Variants in EEA1 observed in about 807,000 individuals in gnomAD.
EEA1 encodes early endosome antigen 1, 162kD.
A neutral mutation model predicts 209.2 loss-of-function variants in EEA1; 111 were observed. That is an observed-to-expected ratio of 0.53 (90% confidence interval 0.45 to 0.62). EEA1 has a LOEUF of 0.62. EEA1 is among the 20% of genes least tolerant of loss of function. The pLI is 0.00. For missense variants in EEA1, 1,343 were observed against 1,530.8 expected (o/e 0.88, Z 2.05); for synonymous variants, 536 against 540.6 (o/e 0.99, Z 0.12).
chr12:92,874,430 A>G (rs914527670), intron 2 of EEA1, among the ~76,000 whole-genome samples: 8 of 152,228 alleles, frequency 5.3e-5, no homozygotes, highest in African/African-American at 1.9e-4. Context: ...CAGTGGCACA[A>G]TCTCGGCTCA....
intron 1 of EEA1, among the ~76,000 whole-genome samples, chr12:92,927,311 C>G (rs1881250654): frequency 6.6e-6 from 1 of 152,116 alleles, no homozygotes; most frequent in Admixed American, 6.6e-5. Flanking sequence ...TCACAAATGC[C>G]AATAGCGCCG....
At chr12:92,882,545 C>T (rs971433401) in intron 2 of EEA1, among the ~76,000 whole-genome samples, 10 of 150,356 alleles carry the variant, frequency 6.7e-5, no homozygotes, top group Admixed American at 2.0e-4. Context: ...ACCCAACAGT[C>T]GGATTTTCAA....
At chr12:92,881,406 G>A in intron 2 of EEA1, among the ~76,000 whole-genome samples, 1 of 152,010 alleles carries the variant, frequency 6.6e-6, no homozygotes, top group Non-Finnish European at 1.5e-5. Context: ...AGATGGAGAG[G>A]AGGAGGGGAG....
At chr12:92,829,608 A>G (rs181998701) in intron 11 of EEA1, among the ~76,000 whole-genome samples, 78 of 151,890 alleles carry the variant, frequency 5.1e-4, no homozygotes, top group African/African-American at 1.6e-3. Flanking sequence ...GTGAAACCCC[A>G]TATCTACTGA....
chr12:92,901,941 A>G (rs371952851), intron 1 of EEA1, among the ~76,000 whole-genome samples: 3 of 152,128 alleles, frequency 2.0e-5, no homozygotes, highest in African/African-American at 7.2e-5. Context: ...AATAACACTA[A>G]CCCTAAATAA....
rs959816567 is a variant in EEA1, at chr12:92,771,702, C to T, written c.*4309G>A. The T allele has an allele frequency of 3.9e-5, 6 of 151,914 alleles. No individual in the cohort carries two copies. The highest frequency in any genetic ancestry group is 7.4e-5 in the Non-Finnish European group (5 of 67,884). 9.4% of individuals were successfully genotyped at this position (151,914 alleles called of 1,614,324 possible). On this transcript the variant is annotated 3_prime_UTR_variant, in exon 29 of 29. Coordinates refer to ENST00000322349, the MANE Select transcript of EEA1 (RefSeq NM_003566.4). ...AATTTCTGGTTAAAAAAAATTTTTA[C>T]ATTAACAATCATCTTGCAAATGTTT...
intron 10 of EEA1, among the ~76,000 whole-genome samples, chr12:92,833,213 T>C (rs560649688): frequency 6.8e-4 from 103 of 152,340 alleles, no homozygotes; most frequent in Non-Finnish European, 1.3e-3. Flanking sequence ...CAATATACTA[T>C]GCAAACTTTG....
At chr12:92,900,733 A>G (rs1200715062) in intron 1 of EEA1, among the ~76,000 whole-genome samples, 2 of 149,596 alleles carry the variant, frequency 1.3e-5, no homozygotes, top group African/African-American at 4.9e-5. Context: ...CAATGGTGTG[A>G]TCTTGGCTCA....
rs1249554565 is a variant in EEA1 at position 92,816,508 on chromosome 12, T to C, written c.1729-108A>G. ...TATTAAAGTGCTTTATGATAGTTTA[T>C]CTCAAAATTTTTCAAGTAAAATTAT... On this transcript the variant is annotated intron_variant, in intron 14 of 28. Coordinates refer to ENST00000322349, the MANE Select transcript of EEA1 (RefSeq NM_003566.4). 5 of 1,018,530 alleles carry C rather than the reference T, an allele frequency of 4.9e-6. No homozygotes were observed. The African/African-American group carries it at 8.1e-5, about 17-fold the overall frequency. The allele number at this position is 1,018,530 out of a possible 1,614,324, so 63.1% of individuals were successfully genotyped here.
rs186127163 is a variant in EEA1, at chr12:92,775,565, T to C, written c.*446A>G. 1 of 152,556 alleles carries C rather than the reference T, an allele frequency of 6.6e-6. No individual in the cohort carries two copies. The highest frequency in any genetic ancestry group is 1.9e-4 in the East Asian group (1 of 5,196). The allele number at this position is 152,556 out of a possible 1,614,324, so 9.5% of individuals were successfully genotyped here. A position where few individuals can be genotyped will look rare whatever the true frequency, so the allele number is the denominator to read the frequency against. On this transcript the variant is annotated 3_prime_UTR_variant, in exon 29 of 29. Coordinates refer to ENST00000322349, the MANE Select transcript of EEA1 (RefSeq NM_003566.4). ...TGTGCATAACTTCACAAAGAGAATATTTAATATAATTAATGTGCTATTGTG... is the reference window on the plus strand; with the variant it reads ...TGTGCATAACTTCACAAAGAGAATACTTAATATAATTAATGTGCTATTGTG...
In EEA1 at chr12:92,843,433, G is replaced by A. The variant is rs371401531; in HGVS notation, c.799-852C>T. On this transcript the variant is annotated intron_variant, in intron 9 of 28. Transcript: ENST00000322349. Reference sequence around the variant, plus strand: ...TACGGCCTCCTGGGATTACAGCCATGAGCCACTGAGCCCAGCCCATTTTAA... The same window carrying A: ...TACGGCCTCCTGGGATTACAGCCATAAGCCACTGAGCCCAGCCCATTTTAA... Among the ~76,000 whole-genome samples, 324 of 152,208 alleles carry A rather than the reference G, an allele frequency of 2.1e-3. 1 individual carries two copies. Among genetic ancestry groups the A allele is most frequent in the African/African-American group, 7.6e-3 (315 of 41,538 alleles).
intron 20 of EEA1, among the ~76,000 whole-genome samples, chr12:92,800,543 T>C (rs1004141029): frequency 1.3e-5 from 2 of 152,164 alleles, no homozygotes; most frequent in African/African-American, 2.4e-5. Flanking sequence ...CCACAATGAA[T>C]AGCAAAATAT....
At chr12:92,798,607 C>T (rs553624042) in intron 21 of EEA1, among the ~76,000 whole-genome samples, 1 of 152,176 alleles carries the variant, frequency 6.6e-6, no homozygotes, top group Admixed American at 6.5e-5. Context: ...AGCCACTGTG[C>T]CCGGCCAGTT....
intron 18 of EEA1, among the ~76,000 whole-genome samples, chr12:92,804,571 C>CA (rs1195692496): frequency 0.16 from 7,264 of 46,094 alleles, 503 homozygotes; most frequent in Non-Finnish European, 0.18. Context: ...GACTCTGTCT[C>CA]AAAAAAAAAA....
intron 16 of EEA1, 23 bp downstream of exon 16, chr12:92,812,957 T>C: frequency 1.3e-6 from 2 of 1,498,630 alleles, no homozygotes; most frequent in Non-Finnish European, 1.8e-6. Flanking sequence ...GGTGATAGTA[T>C]GAAATTGCAT....
chr12:92,929,127 C>A lies in EEA1; in HGVS notation c.-61G>T. The stretch of plus-strand genomic sequence containing the variant: ...TCCAGACCCTGCGCGGGGCCACTCA[C>A]TACTCGGGGTGCGCGGGCGGGAGGG... On this transcript the variant is annotated 5_prime_UTR_variant, in exon 1 of 29. Coordinates refer to ENST00000322349, the MANE Select transcript of EEA1 (RefSeq NM_003566.4). 6.5e-7 allele frequency: 1 copy of A among 1,527,716 alleles called. No individual in the cohort carries two copies. Among genetic ancestry groups the A allele is most frequent in the Non-Finnish European group, 8.8e-7 (1 of 1,130,194 alleles). The allele number at this position is 1,527,716 out of a possible 1,614,324, so 94.6% of individuals were successfully genotyped here. A position where few individuals can be genotyped will look rare whatever the true frequency, so the allele number is the denominator to read the frequency against.
intron 2 of EEA1, among the ~76,000 whole-genome samples, chr12:92,874,484 G>A (rs561854180): frequency 6.9e-4 from 105 of 152,360 alleles, no homozygotes; most frequent in Non-Finnish European, 1.4e-3. Context: ...TCCTGCCTCA[G>A]CCTCCCGAGT....
chr12:92,887,763 C>A (rs530884768), intron 2 of EEA1, among the ~76,000 whole-genome samples: 1 of 152,274 alleles, frequency 6.6e-6, no homozygotes, highest in South Asian at 2.1e-4. Context: ...GACTTTATGA[C>A]TGATTTATCA....
chr12:92,898,006 C>A (rs1211458027), intron 1 of EEA1, among the ~76,000 whole-genome samples: 4 of 152,056 alleles, frequency 2.6e-5, no homozygotes, highest in Non-Finnish European at 5.9e-5. Context: ...CGTTTTATTG[C>A]GATACTTGTT....
Sources: gnomAD v4.1 joint callset for allele counts (sites outside exome capture counted in the v4.1 genomes callset) on GRCh38, gnomAD v4.1.1 for gene constraint, MANE v1.5 for transcripts, NCBI Gene and HGNC (gene_info 2026-07-23, HGNC 2026-07-21) for gene names.